The following SLCO3A1 variants were observed in gnomAD, a reference collection of about 807,000 sequenced individuals.
SLCO3A1 encodes solute carrier organic anion transporter family member 3A1.
In SLCO3A1, 27 loss-of-function variants were observed where a neutral mutation model predicts 63.1. That is an observed-to-expected ratio of 0.43 (90% CI 0.32 to 0.59). The LOEUF (loss-of-function observed/expected upper bound fraction) is 0.59. Among genes scored for constraint, SLCO3A1 ranks in the 20% least tolerant of loss-of-function variants. The probability of loss-of-function intolerance (pLI) is 0.09; values close to 1 mark genes in which losing one functional copy is unlikely to be tolerated. For synonymous variants in SLCO3A1, 473 were observed against 409.9 expected, an observed-to-expected ratio of 1.15 and a Z score of -1.86; for missense variants, 773 against 945.8, an observed-to-expected ratio of 0.82 and a Z score of 2.40.
chr15:91,913,928 C>G (rs1387263149), intron 1 of SLCO3A1, among the ~76,000 whole-genome samples: 1 of 152,170 alleles, frequency 6.6e-6, no homozygotes, highest in African/African-American at 2.4e-5. Flanking sequence ...TCTCCCCTCT[C>G]TCAATATGGC....
At chr15:92,081,861 T>C (rs1233282396) in intron 2 of SLCO3A1, among the ~76,000 whole-genome samples, 1 of 152,206 alleles carries the variant, frequency 6.6e-6, no homozygotes, top group African/African-American at 2.4e-5. Flanking sequence ...GGTGTTTTCT[T>C]TTTACAAGTT....
chr15:91,892,568 T>G (rs1208584323), intron 1 of SLCO3A1, among the ~76,000 whole-genome samples: 1 of 152,178 alleles, frequency 6.6e-6, no homozygotes, highest in African/African-American at 2.4e-5. Flanking sequence ...GAACAGCTTA[T>G]TGTCCATAAA....
At chr15:92,080,848 T>C (rs1034361994) in intron 2 of SLCO3A1, among the ~76,000 whole-genome samples, 1 of 152,146 alleles carries the variant, frequency 6.6e-6, no homozygotes, top group African/African-American at 2.4e-5. Flanking sequence ...TCAAATTGTG[T>C]CCATATTCTT....
At chr15:92,140,440 A>G (rs984527195) in intron 7 of SLCO3A1, among the ~76,000 whole-genome samples, 3 of 151,182 alleles carry the variant, frequency 2.0e-5, no homozygotes, top group Admixed American at 6.6e-5. Context: ...GGTGCTGAAA[A>G]AAACGTATAT....
chr15:91,868,054 T>C (rs67996714), intron 1 of SLCO3A1, among the ~76,000 whole-genome samples: 82 of 152,054 alleles, frequency 5.4e-4, no homozygotes, highest in African/African-American at 2.0e-3. Flanking sequence ...GCTTTTTTTT[T>C]AAATTTTTTT....
In SLCO3A1 at chr15:91,854,494, G is replaced by T. The variant is rs1896862005; in HGVS notation, c.180+406G>T. ...TGCACATGGGAAGAAAAACCAGTTA[G>T]CATCCTGCGTCCTCTACTCTCCATT... On this transcript the variant is annotated intron_variant, in intron 1 of 9. Coordinates refer to ENST00000318445, the MANE Select transcript of SLCO3A1 (RefSeq NM_013272.4). This position sits in a 1 kb window ranked among gnomAD's most constrained non-coding sequence, Gnocchi z 6.4. 1 of 410,620 alleles carries T rather than the reference G, an allele frequency of 2.4e-6. No homozygotes were observed. Among genetic ancestry groups the T allele is most frequent in the South Asian group, 1.0e-4 (1 of 9,870 alleles). The allele number at this position is 410,620 out of a possible 1,614,324, so 25.4% of individuals were successfully genotyped here. A position where few individuals can be genotyped will look rare whatever the true frequency, so the allele number is the denominator to read the frequency against.
chr15:91,945,148 C>T (rs989578472), intron 2 of SLCO3A1, among the ~76,000 whole-genome samples: 1 of 151,984 alleles, frequency 6.6e-6, no homozygotes, highest in African/African-American at 2.4e-5. Flanking sequence ...TTCGAGACAC[C>T]CTGACCAACA....
intron 2 of SLCO3A1, among the ~76,000 whole-genome samples, chr15:92,039,199 G>A (rs1295348582): frequency 6.6e-6 from 1 of 152,118 alleles, no homozygotes; most frequent in Non-Finnish European, 1.5e-5. Flanking sequence ...AATGCCAAAA[G>A]CAATTACAAC....
chr15:92,045,243 G>T (rs1163403675), intron 2 of SLCO3A1, among the ~76,000 whole-genome samples: 1 of 143,622 alleles, frequency 7.0e-6, no homozygotes, highest in Admixed American at 7.2e-5. Context: ...TCACACTGTC[G>T]CACTCCAGCC....
intron 2 of SLCO3A1, among the ~76,000 whole-genome samples, chr15:92,001,209 T>A (rs8030467): frequency 1.4e-5 from 2 of 139,816 alleles, no homozygotes; most frequent in Non-Finnish European, 3.1e-5. Flanking sequence ...ACCAGGTGGG[T>A]GGGCGGGGGG....
intron 2 of SLCO3A1, among the ~76,000 whole-genome samples, chr15:91,992,634 A>G (rs974809626): frequency 1.3e-5 from 2 of 152,208 alleles, no homozygotes; most frequent in African/African-American, 4.8e-5. Flanking sequence ...TTGCCCAGTA[A>G]CAGTCAAGAT....
intron 1 of SLCO3A1, among the ~76,000 whole-genome samples, chr15:91,896,839 A>G (rs1012721900): frequency 6.6e-6 from 1 of 152,230 alleles, no homozygotes; most frequent in Non-Finnish European, 1.5e-5. Context: ...CTTATGTAAG[A>G]TGTTTATCAT....
At chr15:91,998,690 G>A (rs889659038) in intron 2 of SLCO3A1, among the ~76,000 whole-genome samples, 1 of 152,196 alleles carries the variant, frequency 6.6e-6, no homozygotes, top group Non-Finnish European at 1.5e-5. Context: ...CACTGTTGCT[G>A]GGAATGTAAA....
At chr15:92,119,347 T>A (rs1452766883) in intron 4 of SLCO3A1, among the ~76,000 whole-genome samples, 1 of 152,214 alleles carries the variant, frequency 6.6e-6, no homozygotes, top group Non-Finnish European at 1.5e-5. Context: ...AAAGAAAGAA[T>A]GAAGTACAAG....
intron 2 of SLCO3A1, among the ~76,000 whole-genome samples, chr15:91,947,160 C>T (rs560124799): frequency 4.6e-5 from 7 of 152,338 alleles, no homozygotes; most frequent in South Asian, 2.1e-4. Context: ...AAGGAAGCTT[C>T]GCTCTTTGAA....
chr15:92,016,226 TAGA>T (rs1474866762), intron 2 of SLCO3A1, among the ~76,000 whole-genome samples: 4 of 72,372 alleles, frequency 5.5e-5, no homozygotes, highest in Admixed American at 3.2e-4. Flanking sequence ...GATAGATAGA[TAGA>T]TAGATAGATA....
intron 2 of SLCO3A1, among the ~76,000 whole-genome samples, chr15:92,020,266 CTCTA>C (rs1214417445): frequency 4.6e-5 from 7 of 152,236 alleles, no homozygotes; most frequent in South Asian, 2.1e-4. Context: ...TATATCTGTA[CTCTA>C]TCCATCCATC....
chr15:91,965,333 T>C (rs986005390), intron 2 of SLCO3A1, among the ~76,000 whole-genome samples: 11 of 152,204 alleles, frequency 7.2e-5, no homozygotes, highest in African/African-American at 2.7e-4. Flanking sequence ...GGATGTCCCG[T>C]AATGATTTAG....
At chr15:91,888,923 C>T (rs903724331) in intron 1 of SLCO3A1, among the ~76,000 whole-genome samples, 3 of 151,208 alleles carry the variant, frequency 2.0e-5, no homozygotes, top group Non-Finnish European at 4.4e-5. Flanking sequence ...GTGGGCGGAT[C>T]GCTTGAGCCC....
Sources: gnomAD v4.1 joint callset for allele counts (sites outside exome capture counted in the v4.1 genomes callset) on GRCh38, gnomAD v4.1.1 for gene constraint, Gnocchi (gnomAD v3.1) non-coding constraint, MANE v1.5 for transcripts, NCBI Gene and HGNC (gene_info 2026-07-23, HGNC 2026-07-21) for gene names.